The following DCAF10 variants were observed in gnomAD, a reference collection of about 807,000 sequenced individuals.
DCAF10 encodes DDB1- and CUL4-associated factor 10.
Under a neutral mutation model 51.9 loss-of-function variants are expected in DCAF10, and 19 were observed. That is an observed-to-expected ratio of 0.37 (90% confidence interval 0.26 to 0.54). DCAF10 has a LOEUF of 0.54. Among genes scored for constraint, DCAF10 ranks in the 20% least tolerant of loss-of-function variants. The pLI is 0.87. For missense variants in DCAF10, 510 were observed against 730.6 expected (o/e 0.70, Z 3.48); for synonymous variants, 291 against 297.1 (o/e 0.98, Z 0.21).
chr9:37,847,742 T>G (rs1339768008), intron 3 of DCAF10, among the ~76,000 whole-genome samples: 1 of 152,194 alleles, frequency 6.6e-6, no homozygotes, highest in East Asian at 1.9e-4. Flanking sequence ...AATATGTTTC[T>G]GTATACAGAA....
intron 2 of DCAF10, among the ~76,000 whole-genome samples, chr9:37,832,847 A>G (rs1830046413): frequency 6.6e-6 from 1 of 151,678 alleles, no homozygotes; most frequent in Admixed American, 6.6e-5. Context: ...TACAGAAATG[A>G]CTCTCTGTTT....
chr9:37,818,610 A>G (rs931696747), intron 1 of DCAF10, among the ~76,000 whole-genome samples: 6 of 152,232 alleles, frequency 3.9e-5, no homozygotes, highest in African/African-American at 1.4e-4. Flanking sequence ...AAAACCATGA[A>G]GGAAAAGACT....
chr9:37,853,846 G>C (rs891227538), intron 3 of DCAF10, among the ~76,000 whole-genome samples: 4 of 151,896 alleles, frequency 2.6e-5, no homozygotes, highest in East Asian at 3.9e-4. Context: ...TGGGATTACA[G>C]GTGTGAGCCA....
chr9:37,801,239 G>A lies in DCAF10; in HGVS notation c.373G>A (p.Gly125Arg), dbSNP rs769555483. 2 of 1,581,076 alleles carry A rather than the reference G, an allele frequency of 1.3e-6. No individual in the cohort carries two copies. Among genetic ancestry groups the A allele is most frequent in the Admixed American group, 3.5e-5 (2 of 56,764 alleles). ...GGGCGGCCCTGGCGCTAGGCTGTTC[G>A]GGTGGCTGAAAGAGCGCAGCCTGGG... ...GLGGPGARLF[G>R]WLKERSLGRG... The change falls in exon 1 of 7, where the codon GGG (glycine) becomes AGG (arginine). Residue 125 changes from glycine (G) to arginine (R), a missense_variant. This residue lies in a region of DCAF10 where 251 missense variants were observed against 227.9 expected (regional missense o/e 1.10). Coordinates refer to ENST00000377724, the MANE Select transcript of DCAF10 (RefSeq NM_024345.5). The surrounding 1 kb of genome is among the most constrained non-coding windows in gnomAD (Gnocchi z 5.5).
rs1310399052 is a variant in DCAF10, at chr9:37,866,208, G to GT, written c.*4701dup. 2.6e-5 allele frequency: 4 copies of GT among 152,684 alleles called. No individual in the cohort carries two copies. The highest frequency in any genetic ancestry group is 1.9e-4 in the East Asian group (1 of 5,184). The allele number at this position is 152,684 out of a possible 1,614,324, so 9.5% of individuals were successfully genotyped here. A position where few individuals can be genotyped will look rare whatever the true frequency, so the allele number is the denominator to read the frequency against. On this transcript the variant is annotated 3_prime_UTR_variant, in exon 7 of 7. Transcript: ENST00000377724. ...TCTCAAGTGCCAACATTTAAAACTT[G>GT]TAATTATTTTTGATGTGAGTATTTC...
chr9:37,839,205 C>T (rs982860948), intron 2 of DCAF10, among the ~76,000 whole-genome samples: 2 of 151,730 alleles, frequency 1.3e-5, no homozygotes, highest in Non-Finnish European at 2.9e-5. Context: ...ATTACAGGCG[C>T]CCGCCACCAT....
rs528936734 is a variant in DCAF10 at position 37,822,941 on chromosome 9, T to G, written c.653+3540T>G. On this transcript the variant is annotated intron_variant, in intron 2 of 6. Coordinates refer to ENST00000377724, the MANE Select transcript of DCAF10 (RefSeq NM_024345.5). ...TATGATTGCACCACTGCTCTCAGCC[T>G]AGGTGACAGAGCAAGACTCTATCCT... Among the ~76,000 whole-genome samples, 47 of 152,272 alleles carry G rather than the reference T, an allele frequency of 3.1e-4. No individual in the cohort carries two copies. In the South Asian group the frequency reaches 6.6e-3, roughly 21 times the overall value.
chr9:37,812,085 A>G (rs1829365524), intron 1 of DCAF10, among the ~76,000 whole-genome samples: 1 of 152,002 alleles, frequency 6.6e-6, no homozygotes, highest in South Asian at 2.1e-4. Context: ...GAGGCTGAAG[A>G]AGGAGGATCA....
At chr9:37,814,269 G>C (rs1829459244) in intron 1 of DCAF10, among the ~76,000 whole-genome samples, 1 of 145,238 alleles carries the variant, frequency 6.9e-6, no homozygotes, top group African/African-American at 2.5e-5. Context: ...CTCCCAAGTA[G>C]CTGGAATTAC....
chr9:37,830,925 A>G (rs1372351260), intron 2 of DCAF10, among the ~76,000 whole-genome samples: 1 of 152,220 alleles, frequency 6.6e-6, no homozygotes, highest in Non-Finnish European at 1.5e-5. Context: ...AGAAGTATAC[A>G]TAACTTAAGA....
At chr9:37,816,596 A>G (rs1051586718) in intron 1 of DCAF10, among the ~76,000 whole-genome samples, 3 of 152,184 alleles carry the variant, frequency 2.0e-5, no homozygotes, top group Admixed American at 2.0e-4. Flanking sequence ...GTCTCAAAAA[A>G]AAACAACACA....
rs1828955017 is a variant in DCAF10, at chr9:37,801,711, T to G, written c.539+306T>G. Among the ~76,000 whole-genome samples, 1 of 152,214 alleles carries G rather than the reference T, an allele frequency of 6.6e-6. No individual in the cohort carries two copies. The highest frequency in any genetic ancestry group is 1.5e-5 in the Non-Finnish European group (1 of 68,032). On this transcript the variant is annotated intron_variant, in intron 1 of 6. Coordinates refer to ENST00000377724, the MANE Select transcript of DCAF10 (RefSeq NM_024345.5). The surrounding 1 kb of genome is among the most constrained non-coding windows in gnomAD (Gnocchi z 5.5). ...CCAGCCCACAACTAGGGCTTTCTGGTACACAGTAGGTGCTCAGTAAATACA... is the reference window on the plus strand; with the variant it reads ...CCAGCCCACAACTAGGGCTTTCTGGGACACAGTAGGTGCTCAGTAAATACA...
intron 4 of DCAF10, among the ~76,000 whole-genome samples, chr9:37,856,574 A>G (rs1291397075): frequency 1.3e-5 from 2 of 152,260 alleles, no homozygotes; most frequent in Admixed American, 1.3e-4. Context: ...AGACACTGCT[A>G]TTTGGAGTAA....
intron 1 of DCAF10, among the ~76,000 whole-genome samples, chr9:37,815,649 T>TAAA (rs11405685): frequency 7.1e-6 from 1 of 141,614 alleles, no homozygotes; most frequent in African/African-American, 2.6e-5. Flanking sequence ...CTGTCTCCAA[T>TAAA]AAAAAAAAAA....
intron 3 of DCAF10, among the ~76,000 whole-genome samples, chr9:37,852,154 A>G (rs1051689989): frequency 6.6e-6 from 1 of 152,284 alleles, no homozygotes; most frequent in African/African-American, 2.4e-5. Context: ...AGAGGGGGGA[A>G]AAAAGATAAA....
At chr9:37,832,458 CAA>C (rs34040185) in intron 2 of DCAF10, among the ~76,000 whole-genome samples, 6 of 127,346 alleles carry the variant, frequency 4.7e-5, no homozygotes, top group Non-Finnish European at 3.4e-5. Context: ...GACTCCGTCT[CAA>C]AAAAAAAAAA....
chr9:37,854,957 A>G lies in DCAF10; in HGVS notation c.1029A>G (p.Arg343=), dbSNP rs752713154. 9 of 1,610,784 alleles carry G rather than the reference A, an allele frequency of 5.6e-6. No homozygotes were observed. Among genetic ancestry groups the G allele is most frequent in the South Asian group, 1.1e-5 (1 of 89,928 alleles). ...SLEVGSYPIL[R]ARRTTSSSDL... ...AAGTAGGCAGCTATCCCATTTTAAG[A>G]GCAAGAAGAACTACTTCAAGTTCAG... The change falls in exon 4 of 7, where the codon AGA becomes AGG. Residue 343 remains arginine (R), a synonymous_variant. Coordinates refer to ENST00000377724, the MANE Select transcript of DCAF10 (RefSeq NM_024345.5).
chr9:37,824,068 A>G (rs1420620047), intron 2 of DCAF10, among the ~76,000 whole-genome samples: 2 of 151,960 alleles, frequency 1.3e-5, no homozygotes, highest in African/African-American at 4.8e-5. Context: ...TTTAGTAGAG[A>G]TGGGGTTTCA....
chr9:37,836,444 G>C (rs1830167230), intron 2 of DCAF10: 1 of 1,418,902 alleles, frequency 7.0e-7, no homozygotes, highest in Non-Finnish European at 1.0e-6. Context: ...ATGAGGGTGG[G>C]CCAGATGAGT....
Sources: gnomAD v4.1 joint callset for allele counts (sites outside exome capture counted in the v4.1 genomes callset) on GRCh38, gnomAD v4.1.1 for gene constraint, gnomAD v4.1.1 regional missense constraint, Gnocchi (gnomAD v3.1) non-coding constraint, MANE v1.5 for transcripts, NCBI Gene and HGNC (gene_info 2026-07-23, HGNC 2026-07-21) for gene names.